CDC14B: variants seen among roughly 807,000 people sequenced by gnomAD.
CDC14B encodes the protein cell division cycle 14B.
CDC14B carries 22 observed loss-of-function variants against 64.2 expected under a neutral mutation model. The observed-to-expected ratio is 0.34, with a 90% CI of 0.24 to 0.49. The LOEUF (loss-of-function observed/expected upper bound fraction) is 0.49, where lower values mean the gene tolerates loss of function less well. Ranked by LOEUF, CDC14B falls within the 20% of genes least tolerant of loss-of-function variation. The pLI is 0.99. For synonymous variants in CDC14B, 191 were observed against 215.8 expected (o/e 0.89, Z 1.01); for missense variants, 498 against 629.9 (o/e 0.79, Z 2.24).
chr9:96,565,573 T>G, intron 1 of CDC14B, 90 bp from the exon 2 acceptor site: 1 of 830,862 alleles, frequency 1.2e-6, no homozygotes, highest in Non-Finnish European at 2.1e-6. Context: ...TGAAGTCAAT[T>G]TTTCATTTTT....
intron 13 of CDC14B, among the ~76,000 whole-genome samples, chr9:96,493,857 G>A (rs1318344503): frequency 1.3e-5 from 2 of 152,176 alleles, no homozygotes; most frequent in Non-Finnish European, 2.9e-5. Flanking sequence ...TTGTAACCAC[G>A]TTTTCCTCCA....
chr9:96,557,808 T>A (rs1265548069), intron 4 of CDC14B, among the ~76,000 whole-genome samples: 1 of 152,236 alleles, frequency 6.6e-6, no homozygotes, highest in East Asian at 1.9e-4. Flanking sequence ...CAATTAGCTC[T>A]ACCAAAGTAA....
chr9:96,528,254 G>A (rs747201063), intron 9 of CDC14B, among the ~76,000 whole-genome samples: 11 of 152,170 alleles, frequency 7.2e-5, no homozygotes, highest in Non-Finnish European at 1.3e-4. Context: ...GGGCGTGGTG[G>A]CTCACACCTG....
intron 1 of CDC14B, among the ~76,000 whole-genome samples, chr9:96,588,591 A>C (rs1344934634): frequency 6.6e-6 from 1 of 152,138 alleles, no homozygotes; most frequent in Admixed American, 6.5e-5. Flanking sequence ...GGCTCAAGCG[A>C]TTCTCCCACC....
At chr9:96,569,096 G>A (rs1207618257) in intron 1 of CDC14B, among the ~76,000 whole-genome samples, 1 of 152,178 alleles carries the variant, frequency 6.6e-6, no homozygotes, top group African/African-American at 2.4e-5. Flanking sequence ...TTCATAGTCG[G>A]TGTCTAGAAA....
At chr9:96,566,627 GACA>G in intron 1 of CDC14B, 1 of 762,684 alleles carries the variant, frequency 1.3e-6, no homozygotes, top group Non-Finnish European at 2.2e-6. Context: ...AGAGCCTGGG[GACA>G]AGTGCCGAGG....
intron 4 of CDC14B, among the ~76,000 whole-genome samples, chr9:96,561,490 CTTTT>C (rs1172982159): frequency 6.6e-6 from 1 of 151,558 alleles, no homozygotes; most frequent in East Asian, 2.0e-4. Flanking sequence ...CCCTGTTTTT[CTTTT>C]TTGAGACGGA....
At chr9:96,568,924 A>G (rs921507300) in intron 1 of CDC14B, among the ~76,000 whole-genome samples, 2 of 150,260 alleles carry the variant, frequency 1.3e-5, no homozygotes, top group Admixed American at 1.3e-4. Flanking sequence ...TCTCAAAAGA[A>G]AAAAAAAAAA....
chr9:96,499,645 G>A (rs1056097080), downstream of CDC14B, among the ~76,000 whole-genome samples: 14 of 152,340 alleles, frequency 9.2e-5, no homozygotes, highest in Admixed American at 7.2e-4. Flanking sequence ...CTACAGAAGG[G>A]GGCTGGACTA....
chr9:96,600,155 T>A (rs1235279698), intron 1 of CDC14B, among the ~76,000 whole-genome samples: 1 of 151,832 alleles, frequency 6.6e-6, no homozygotes, highest in African/African-American at 2.4e-5. Flanking sequence ...AGCACTTTGG[T>A]AGGCCGAGGT....
chr9:96,609,888 G>A (rs1847196477), intron 1 of CDC14B, among the ~76,000 whole-genome samples: 2 of 152,172 alleles, frequency 1.3e-5, no homozygotes, highest in African/African-American at 4.8e-5. Flanking sequence ...GTGATCTTAT[G>A]CAACTAGAAT....
intron 13 of CDC14B, among the ~76,000 whole-genome samples, chr9:96,508,871 G>A (rs116795274): frequency 1.4e-3 from 216 of 152,308 alleles, no homozygotes; most frequent in African/African-American, 4.7e-3. Context: ...CAGGGTACAC[G>A]TGCAGGACAT....
intron 12 of CDC14B, among the ~76,000 whole-genome samples, chr9:96,514,194 T>C (rs996757125): frequency 2.6e-5 from 4 of 152,150 alleles, no homozygotes; most frequent in African/African-American, 7.2e-5. Context: ...GAGAGCCTGA[T>C]AGAGACCATG....
At position 96,515,148 on chromosome 9, in the gene CDC14B, G is replaced by A. The variant is rs1028569735; in HGVS notation, c.1344-5359C>T. ...CTAAAGAGAGAAGACTTATGAGAGAGCTGCTGTACAATGGCAGATTTCGAG... is the reference window on the plus strand; with the variant it reads ...CTAAAGAGAGAAGACTTATGAGAGAACTGCTGTACAATGGCAGATTTCGAG... On this transcript the variant is annotated intron_variant, in intron 12 of 13. Transcript: ENST00000375241. This position sits in a 1 kb window ranked among gnomAD's most constrained non-coding sequence, Gnocchi z 4.3. 8.5e-5 allele frequency among the ~76,000 whole-genome samples: 13 copies of A among 152,328 alleles called. No individual in the cohort carries two copies. In the East Asian group the frequency reaches 2.5e-3, roughly 29 times the overall value.
chr9:96,594,389 G>A (rs1845946850), intron 1 of CDC14B, among the ~76,000 whole-genome samples: 1 of 152,142 alleles, frequency 6.6e-6, no homozygotes, highest in Non-Finnish European at 1.5e-5. Context: ...GAATCCAACA[G>A]AACATAGAAC....
At position 96,568,482 on chromosome 9, in the gene CDC14B, C is replaced by T. The variant is rs549376760; in HGVS notation, c.161-2999G>A. On this transcript the variant is annotated intron_variant, in intron 1 of 13. Coordinates refer to ENST00000375241, the MANE Select transcript of CDC14B (RefSeq NM_033331.4). ...CTATTTTTTCCTCAGACTGGCAAAA[C>T]TCAAGAGAGTTGGATAAGGTGCTGC... Among the ~76,000 whole-genome samples, 63 of 152,292 alleles carry T rather than the reference C, an allele frequency of 4.1e-4. No individual in the cohort carries two copies. In the Middle Eastern group the frequency reaches 0.01, roughly 25 times the overall value.
intron 1 of CDC14B, among the ~76,000 whole-genome samples, chr9:96,577,109 G>A (rs988796835): frequency 6.6e-6 from 1 of 151,920 alleles, no homozygotes; most frequent in African/African-American, 2.4e-5. Flanking sequence ...AAAATGAGCC[G>A]GCGTGGTGGC....
At chr9:96,572,073 G>T (rs891723616) in intron 1 of CDC14B, among the ~76,000 whole-genome samples, 3 of 152,184 alleles carry the variant, frequency 2.0e-5, no homozygotes, top group Admixed American at 1.3e-4. Context: ...AGGCTGACAG[G>T]ATGGTGAGTG....
At chr9:96,616,905 C>T in intron 1 of CDC14B, among the ~76,000 whole-genome samples, 1 of 152,152 alleles carries the variant, frequency 6.6e-6, no homozygotes, top group Middle Eastern at 3.2e-3. Flanking sequence ...GTAATCTGAA[C>T]TCTGTATCTG....
Sources: allele counts gnomAD v4.1 joint callset (sites outside exome capture counted in the v4.1 genomes callset), GRCh38; gene constraint gnomAD v4.1.1; non-coding constraint Gnocchi (gnomAD v3.1); transcripts MANE v1.5; gene names NCBI Gene and HGNC (gene_info 2026-07-23, HGNC 2026-07-21).